The following PACRG variants were observed in gnomAD, a reference collection of about 807,000 sequenced individuals.
The protein encoded by PACRG is parkin coregulated gene protein.
A neutral mutation model predicts 29.7 loss-of-function variants in PACRG; 29 were observed. The ratio of observed to expected loss-of-function variants is 0.98; its 90% CI spans 0.73 to 1.33. The LOEUF (loss-of-function observed/expected upper bound fraction) is 1.33. PACRG is among the 40% of genes most tolerant of loss of function. PACRG has a pLI of 0.00. For missense variants in PACRG, 279 were observed against 316.2 expected (o/e 0.88, Z 0.89); for synonymous variants, 116 against 118.7 (o/e 0.98, Z 0.15).
chr6:162,859,911 A>T (rs1791715622), intron 2 of PACRG, among the ~76,000 whole-genome samples: 1 of 152,148 alleles, frequency 6.6e-6, no homozygotes, highest in African/African-American at 2.4e-5. Context: ...AAATTTTTTT[A>T]TGCTTTTCTC....
At chr6:163,090,282 T>C (rs959423665) in intron 4 of PACRG, 3 of 152,216 alleles carry the variant, frequency 2.0e-5, no homozygotes, top group Non-Finnish European at 2.9e-5. Flanking sequence ...TGCTATTATG[T>C]CTGCTCCAGG....
intron 1 of PACRG, among the ~76,000 whole-genome samples, chr6:162,749,903 T>C (rs1259538192): frequency 2.0e-5 from 3 of 152,232 alleles, no homozygotes; most frequent in Non-Finnish European, 2.9e-5. Context: ...ACATTCACCA[T>C]TGATTTATAT....
chr6:163,111,480 A>T (rs1179046393), intron 4 of PACRG, among the ~76,000 whole-genome samples: 1 of 152,254 alleles, frequency 6.6e-6, no homozygotes, highest in African/African-American at 2.4e-5. Context: ...GAGCAAAATA[A>T]TATTCAACCT....
intron 2 of PACRG, among the ~76,000 whole-genome samples, chr6:162,947,583 CATATATATAATCATAT>C (rs1480791849): frequency 9.5e-5 from 4 of 42,052 alleles, no homozygotes; most frequent in Non-Finnish European, 1.6e-4. Flanking sequence ...CATATATAAT[CATATATATAATCATAT>C]ATATATATAA....
At chr6:163,159,730 C>T (rs1778474883) in intron 4 of PACRG, among the ~76,000 whole-genome samples, 1 of 152,168 alleles carries the variant, frequency 6.6e-6, no homozygotes, top group Non-Finnish European at 1.5e-5. Flanking sequence ...GTCGAGTGTT[C>T]TCTCGGTCAT....
intron 4 of PACRG, among the ~76,000 whole-genome samples, chr6:163,154,067 A>G (rs1778214659): frequency 6.6e-6 from 1 of 152,186 alleles, no homozygotes; most frequent in Non-Finnish European, 1.5e-5. Context: ...GGGTTTTAAC[A>G]TCTCCTTTCC....
At chr6:162,736,319 A>G (rs1417080165) in intron 1 of PACRG, among the ~76,000 whole-genome samples, 1 of 152,212 alleles carries the variant, frequency 6.6e-6, no homozygotes, top group East Asian at 1.9e-4. Flanking sequence ...GTTGTAGTAC[A>G]TGTACGTAGA....
chr6:163,256,232 G>A (rs1290901945), intron 4 of PACRG, among the ~76,000 whole-genome samples: 3 of 152,154 alleles, frequency 2.0e-5, no homozygotes, highest in African/African-American at 7.2e-5. Flanking sequence ...TGTACTGCCT[G>A]TTTTACTGTA....
chr6:163,224,692 T>C (rs1585348128), intron 4 of PACRG, among the ~76,000 whole-genome samples: 1 of 152,074 alleles, frequency 6.6e-6, no homozygotes, highest in Non-Finnish European at 1.5e-5. Context: ...TCAGAATGGA[T>C]TGAAGATTTA....
At chr6:162,761,690 G>C (rs1265872180) in intron 1 of PACRG, among the ~76,000 whole-genome samples, 2 of 152,088 alleles carry the variant, frequency 1.3e-5, no homozygotes, top group African/African-American at 4.8e-5. Flanking sequence ...TGTAATCCCA[G>C]CACTTTGGGA....
intron 4 of PACRG, among the ~76,000 whole-genome samples, chr6:163,290,536 A>T (rs568030601): frequency 1.3e-5 from 2 of 152,282 alleles, no homozygotes; most frequent in Admixed American, 6.5e-5. Context: ...CCACCCCTGG[A>T]CCTGCGGCTG....
At chr6:163,192,075 T>C (rs1562957116) in intron 4 of PACRG, 1 of 216,286 alleles carries the variant, frequency 4.6e-6, no homozygotes, top group African/African-American at 2.3e-5. Flanking sequence ...GAAAGCACAG[T>C]TGTGCAGCTG....
chr6:162,829,528 T>C (rs1006327122), intron 2 of PACRG, among the ~76,000 whole-genome samples: 1 of 152,240 alleles, frequency 6.6e-6, no homozygotes, highest in East Asian at 1.9e-4. Context: ...TAGGCCTTTG[T>C]GCAGTGTATA....
intron 2 of PACRG, among the ~76,000 whole-genome samples, chr6:162,979,094 G>C (rs969663017): frequency 4.6e-5 from 7 of 152,112 alleles, no homozygotes; most frequent in African/African-American, 1.7e-4. Context: ...ATAATAACCT[G>C]TCTTTATAAT....
At chr6:163,009,310 A>T (rs1805404832) in intron 2 of PACRG, among the ~76,000 whole-genome samples, 1 of 152,220 alleles carries the variant, frequency 6.6e-6, no homozygotes, top group Admixed American at 6.5e-5. Flanking sequence ...GATAGCTCAA[A>T]GTTTTTCATC....
At chr6:162,867,877 G>C (rs1425498653) in intron 2 of PACRG, among the ~76,000 whole-genome samples, 1 of 151,946 alleles carries the variant, frequency 6.6e-6, no homozygotes, top group Non-Finnish European at 1.5e-5. Flanking sequence ...GAGCCAGGCC[G>C]ACGTTGGTTT....
intron 2 of PACRG, among the ~76,000 whole-genome samples, chr6:163,046,183 CAG>C (rs1208958311): frequency 6.6e-6 from 1 of 150,976 alleles, no homozygotes. Flanking sequence ...TGCCATCACT[CAG>C]GGGGTATCCT....
At chr6:163,113,986 C>G (rs574182814) in intron 4 of PACRG, among the ~76,000 whole-genome samples, 1 of 152,080 alleles carries the variant, frequency 6.6e-6, no homozygotes, top group Non-Finnish European at 1.5e-5. Flanking sequence ...TTTGTAATAT[C>G]GATAACTGAT....
chr6:162,891,352 C>T (rs1487198741), intron 2 of PACRG, among the ~76,000 whole-genome samples: 1 of 152,152 alleles, frequency 6.6e-6, no homozygotes, highest in African/African-American at 2.4e-5. Context: ...AAGGTTGGCT[C>T]TAAAGAGCAG....
Sources: allele counts gnomAD v4.1 joint callset (sites outside exome capture counted in the v4.1 genomes callset), GRCh38; gene constraint gnomAD v4.1.1; transcripts MANE v1.5; gene names NCBI Gene and HGNC (gene_info 2026-07-23, HGNC 2026-07-21).